KIAA1671: variants seen among roughly 807,000 people sequenced by gnomAD.
The protein encoded by KIAA1671 is KIAA1671.
KIAA1671 carries 52 observed loss-of-function variants against 131.2 expected under a neutral mutation model. The observed-to-expected ratio is 0.40, with a 90% CI of 0.32 to 0.50. KIAA1671 has a LOEUF of 0.50. Ranked by LOEUF, KIAA1671 falls within the 20% of genes least tolerant of loss-of-function variation. The pLI is 0.73. For missense variants in KIAA1671, 2,360 were observed against 2,364.2 expected, an observed-to-expected ratio of 1.00 and a Z score of 0.04; for synonymous variants, 1,003 against 961.6, an observed-to-expected ratio of 1.04 and a Z score of -0.80.
chr22:25,098,042 C>G (rs1293917714), intron 6 of KIAA1671, among the ~76,000 whole-genome samples: 1 of 152,170 alleles, frequency 6.6e-6, no homozygotes, highest in African/African-American at 2.4e-5. Context: ...GTCCACCCAG[C>G]AGACTTGCCC....
intron 6 of KIAA1671, among the ~76,000 whole-genome samples, chr22:25,097,802 T>C (rs1930462343): frequency 6.6e-6 from 1 of 152,048 alleles, no homozygotes. Context: ...TGACAGAGAC[T>C]GCATATGACT....
chr22:24,986,445 T>C (rs1469317921), intron 1 of KIAA1671, among the ~76,000 whole-genome samples: 4 of 152,118 alleles, frequency 2.6e-5, no homozygotes, highest in African/African-American at 9.7e-5. Flanking sequence ...GTAGATACCA[T>C]GTAAGTAGTT....
chr22:24,963,801 G>T (rs973042499), intron 1 of KIAA1671, among the ~76,000 whole-genome samples: 11 of 151,740 alleles, frequency 7.2e-5, no homozygotes, highest in Non-Finnish European at 1.5e-4. Flanking sequence ...TTAGCCGGGC[G>T]TGGTGGCAGG....
chr22:25,035,664 A>G (rs1230195932), intron 4 of KIAA1671, among the ~76,000 whole-genome samples: 1 of 152,200 alleles, frequency 6.6e-6, no homozygotes, highest in East Asian at 1.9e-4. Context: ...TTGTATTAAA[A>G]TGCTGTAGTG....
At chr22:25,099,875 G>A (rs1029251760) in intron 6 of KIAA1671, among the ~76,000 whole-genome samples, 4 of 152,134 alleles carry the variant, frequency 2.6e-5, no homozygotes, top group Non-Finnish European at 5.9e-5. Flanking sequence ...AGTCCCCATT[G>A]GAATATCCAT....
At chr22:25,027,786 G>C (rs959832956) in intron 2 of KIAA1671, among the ~76,000 whole-genome samples, 159 bp from the exon 3 acceptor site, 1 of 152,210 alleles carries the variant, frequency 6.6e-6, no homozygotes, top group South Asian at 2.1e-4. Flanking sequence ...GCTCAGAGAC[G>C]GGGAGAGGCA....
chr22:25,093,738 C>CTTTCTCTCTCTCTCTCTG (rs1568951000), intron 6 of KIAA1671, among the ~76,000 whole-genome samples: 1 of 88,942 alleles, frequency 1.1e-5, no homozygotes. Flanking sequence ...CACACACACA[C>CTTTCTCTCTCTCTCTCTG]TCTCTCTCTC....
intron 1 of KIAA1671, among the ~76,000 whole-genome samples, chr22:25,007,791 T>C (rs1443548509): frequency 6.6e-6 from 1 of 152,144 alleles, no homozygotes; most frequent in Non-Finnish European, 1.5e-5. Flanking sequence ...TGGGTATAAA[T>C]ATGACTGCAG....
intron 6 of KIAA1671, among the ~76,000 whole-genome samples, chr22:25,157,123 G>A (rs910666469): frequency 3.3e-5 from 5 of 152,070 alleles, no homozygotes; most frequent in Non-Finnish European, 7.4e-5. Context: ...AGGAGATGCT[G>A]GGAAACGTAA....
intron 7 of KIAA1671, among the ~76,000 whole-genome samples, chr22:25,173,410 G>A (rs951760453): frequency 6.6e-6 from 1 of 152,188 alleles, no homozygotes; most frequent in African/African-American, 2.4e-5. Flanking sequence ...GTGCTCAGTA[G>A]ATTTTTATTA....
At chr22:25,177,734 A>G (rs1299798345) in intron 9 of KIAA1671, among the ~76,000 whole-genome samples, 3 of 152,234 alleles carry the variant, frequency 2.0e-5, no homozygotes, top group Non-Finnish European at 2.9e-5. Context: ...CATGGATGAG[A>G]TGGGTGCATA....
chr22:24,997,055 GA>G (rs1446700009), intron 1 of KIAA1671, among the ~76,000 whole-genome samples: 1 of 152,176 alleles, frequency 6.6e-6, no homozygotes, highest in Non-Finnish European at 1.5e-5. Context: ...TCCATGCAGT[GA>G]CTTATTTTCT....
At chr22:25,043,607 T>G (rs934002056) in intron 5 of KIAA1671, among the ~76,000 whole-genome samples, 2 of 152,132 alleles carry the variant, frequency 1.3e-5, no homozygotes, top group Admixed American at 1.3e-4. Context: ...GCCATTGTGA[T>G]CCAAGACTGG....
chr22:25,040,898 CG>C lies in KIAA1671; in HGVS notation c.3773del (p.Gly1258ValfsTer11). 2 of 1,515,508 alleles carry C rather than the reference CG, an allele frequency of 1.3e-6. No homozygotes were observed. The highest frequency in any genetic ancestry group is 1.3e-5 in the South Asian group (1 of 78,754). 93.9% of individuals were successfully genotyped at this position (1,515,508 alleles called of 1,614,324 possible). A position where few individuals can be genotyped will look rare whatever the true frequency, so the allele number is the denominator to read the frequency against. ...RRSLKEMPDT[G>X]GLWKPASSAE... is the part of the protein sequence containing the mutation. ...GGAGCCTGAAGGAGATGCCCGATAC[CG>C]GGGGTCTCTGGAAACCGGCCAGTTC... is the stretch of plus-strand genomic sequence containing the variant. On this transcript the variant is annotated frameshift_variant, in exon 5 of 13. Coordinates refer to ENST00000358431, the MANE Select transcript of KIAA1671 (RefSeq NM_001145206.2). LOFTEE classifies it high-confidence loss of function.
chr22:25,180,029 A>G (rs1934211164), intron 9 of KIAA1671, among the ~76,000 whole-genome samples: 1 of 112,112 alleles, frequency 8.9e-6, no homozygotes, highest in African/African-American at 3.1e-5. Flanking sequence ...AGATGTGGAA[A>G]GAACATTCTG....
chr22:25,135,665 T>C (rs1366988038), intron 6 of KIAA1671, among the ~76,000 whole-genome samples: 1 of 152,208 alleles, frequency 6.6e-6, no homozygotes, highest in Non-Finnish European at 1.5e-5. Flanking sequence ...TATAATAAAA[T>C]GGCAGCTACA....
chr22:25,049,061 A>G, intron 5 of KIAA1671, 169 bp from the exon 6 acceptor site: 1 of 813,596 alleles, frequency 1.2e-6, no homozygotes, highest in Non-Finnish European at 1.9e-6. Context: ...ACTGGAACCC[A>G]GAGCTACCGC....
chr22:25,052,203 C>T (rs1311501087), intron 6 of KIAA1671: 2 of 152,392 alleles, frequency 1.3e-5, no homozygotes, highest in African/African-American at 4.8e-5. Flanking sequence ...CACCCTGAGC[C>T]CTGGGACTCC....
intron 11 of KIAA1671, among the ~76,000 whole-genome samples, chr22:25,189,126 C>CTTTTTTTTTTTTTTTT (rs200226589): frequency 2.5e-3 from 286 of 114,572 alleles, no homozygotes; most frequent in Middle Eastern, 4.5e-3. Context: ...CAGTCTTTTT[C>CTTTTTTTTTTTTTTTT]TTTTTTTTTT....
Sources: allele counts gnomAD v4.1 joint callset (sites outside exome capture counted in the v4.1 genomes callset), GRCh38; gene constraint gnomAD v4.1.1; transcripts MANE v1.5; gene names NCBI Gene and HGNC (gene_info 2026-07-23, HGNC 2026-07-21).